ARHGAP21: variants seen among roughly 807,000 people sequenced by gnomAD.
ARHGAP21 encodes rho GTPase-activating protein 21.
A neutral mutation model predicts 164.6 loss-of-function variants in ARHGAP21; 38 were observed. The observed-to-expected ratio is 0.23, with a 90% CI of 0.18 to 0.30. The LOEUF (loss-of-function observed/expected upper bound fraction) is 0.30, where lower values mean the gene tolerates loss of function less well. Ranked by LOEUF, ARHGAP21 falls within the 10% of genes least tolerant of loss-of-function variation. ARHGAP21 has a pLI of 1.00. For synonymous variants in ARHGAP21, 766 were observed against 857.9 expected (o/e 0.89, Z 1.87); for missense variants, 1,822 against 2,370.7 (o/e 0.77, Z 4.81).
At chr10:24,718,139 A>G (rs1201647056) in intron 2 of ARHGAP21, among the ~76,000 whole-genome samples, 1 of 152,206 alleles carries the variant, frequency 6.6e-6, no homozygotes, top group African/African-American at 2.4e-5. Context: ...GGACTCCACA[A>G]GACTTTGCAT....
rs950207384 is a variant in ARHGAP21, at chr10:24,613,734, G to A, written c.2422+5739C>T. On this transcript the variant is annotated intron_variant, in intron 9 of 25. Coordinates refer to ENST00000396432, the MANE Select transcript of ARHGAP21 (RefSeq NM_020824.4). Reference sequence around the variant, plus strand: ...TGTGAAGTAGGTATTTGAAAGGGAGGTGACAAAATCAGAGCAAAAGCAGGG... The same window carrying A: ...TGTGAAGTAGGTATTTGAAAGGGAGATGACAAAATCAGAGCAAAAGCAGGG... Among the ~76,000 whole-genome samples the A allele has an allele frequency of 2.6e-5, 4 of 152,204 alleles. No homozygotes were observed. The East Asian group carries it at 7.7e-4, about 29-fold the overall frequency.
chr10:24,663,201 A>G (rs1043033995), intron 4 of ARHGAP21, among the ~76,000 whole-genome samples: 5 of 152,120 alleles, frequency 3.3e-5, no homozygotes, highest in African/African-American at 9.7e-5. Context: ...TATTGACTCT[A>G]TATTTTCTTA....
At chr10:24,618,230 A>AT (rs1834184028) in intron 9 of ARHGAP21, among the ~76,000 whole-genome samples, 1 of 152,198 alleles carries the variant, frequency 6.6e-6, no homozygotes, top group Non-Finnish European at 1.5e-5. Context: ...GCATTTCAAA[A>AT]TTGTCTTTCA....
At chr10:24,661,505 CCAAAA>C (rs1454889656) in intron 4 of ARHGAP21, among the ~76,000 whole-genome samples, 1 of 152,054 alleles carries the variant, frequency 6.6e-6, no homozygotes, top group Non-Finnish European at 1.5e-5. Flanking sequence ...GGAAAGAAGA[CCAAAA>C]CAAAATCATT....
At chr10:24,616,727 A>G (rs1169428110) in intron 9 of ARHGAP21, among the ~76,000 whole-genome samples, 3 of 152,210 alleles carry the variant, frequency 2.0e-5, no homozygotes, top group South Asian at 2.1e-4. Context: ...AGAGAAGTGT[A>G]GGAAGTCAGG....
intron 2 of ARHGAP21, among the ~76,000 whole-genome samples, chr10:24,673,567 G>A (rs972052735): frequency 2.0e-5 from 3 of 152,156 alleles, no homozygotes; most frequent in Non-Finnish European, 4.4e-5. Flanking sequence ...TAACTCAAAT[G>A]ATCATACACC....
chr10:24,636,593 A>G (rs1399491826), intron 4 of ARHGAP21, among the ~76,000 whole-genome samples: 1 of 152,234 alleles, frequency 6.6e-6, no homozygotes, highest in Non-Finnish European at 1.5e-5. Flanking sequence ...AATTATTGCC[A>G]TATAAAACTG....
chr10:24,672,925 G>T (rs560229075), intron 2 of ARHGAP21, among the ~76,000 whole-genome samples: 32 of 151,802 alleles, frequency 2.1e-4, no homozygotes, highest in African/African-American at 7.0e-4. Context: ...ATAAGCAACT[G>T]GAAATTTAAA....
chr10:24,591,944 G>C lies in ARHGAP21; in HGVS notation c.3945C>G (p.Thr1315=), dbSNP rs377468496. The change falls in exon 22 of 26, where the codon ACC becomes ACG. Residue 1315 remains threonine (T), a synonymous_variant. Transcript: ENST00000396432. ...TLVRTSEDNM[T]HMVTHMPDQY... ...GGTCAGGCATGTGGGTGACCATGTG[G>C]GTCATGTTGTCTTCTGATGTTCGAA... The C allele has an allele frequency of 6.2e-6, 10 of 1,613,658 alleles. No individual in the cohort carries two copies. Among genetic ancestry groups the C allele is most frequent in the Middle Eastern group, 3.4e-4 (2 of 5,962 alleles).
chr10:24,602,781 A>T (rs1275449953), intron 12 of ARHGAP21, among the ~76,000 whole-genome samples: 1 of 152,164 alleles, frequency 6.6e-6, no homozygotes, highest in Non-Finnish European at 1.5e-5. Context: ...AGCTGTGACT[A>T]TAGGAATCCA....
intron 2 of ARHGAP21, among the ~76,000 whole-genome samples, chr10:24,718,887 T>C (rs1228626457): frequency 6.6e-6 from 1 of 151,874 alleles, no homozygotes; most frequent in Non-Finnish European, 1.5e-5. Flanking sequence ...ATGAAATAAA[T>C]GTTAGAAATG....
rs780600444 is a variant in ARHGAP21, at chr10:24,602,121, A to G, written c.2722-18T>C. The stretch of plus-strand genomic sequence containing the variant: ...TCTGCGATCTATAGAAAAGACCAAG[A>G]AAACAGTAAAATGTCAGCATTTTCC... On this transcript the variant is annotated intron_variant, in intron 12 of 25. Transcript: ENST00000396432. 14 of 1,600,126 alleles carry G rather than the reference A, an allele frequency of 8.7e-6. No homozygotes were observed. The highest frequency in any genetic ancestry group is 1.7e-4 in the Middle Eastern group (1 of 5,990).
At chr10:24,700,821 C>T (rs553767858) in intron 2 of ARHGAP21, among the ~76,000 whole-genome samples, 77 of 152,266 alleles carry the variant, frequency 5.1e-4, no homozygotes, top group African/African-American at 1.8e-3. Flanking sequence ...CCATTGAAGG[C>T]AGAGCTTTAA....
In ARHGAP21 at chr10:24,646,727, T is replaced by C. The variant is rs765129386; in HGVS notation, c.269-11624A>G. Among the ~76,000 whole-genome samples, 19 of 152,148 alleles carry C rather than the reference T, an allele frequency of 1.2e-4. 1 individual carries two copies. The highest frequency in any genetic ancestry group is 5.9e-5 in the Non-Finnish European group (4 of 68,034). ...GAGTTCAAGATCAGCCTGAGCAACA[T>C]AGTGAGAACTTGTCTCTAAAAAAAT... On this transcript the variant is annotated intron_variant, in intron 4 of 25. Transcript: ENST00000396432.
At chr10:24,718,164 G>A (rs1169704216) in intron 2 of ARHGAP21, among the ~76,000 whole-genome samples, 1 of 151,748 alleles carries the variant, frequency 6.6e-6, no homozygotes, top group Non-Finnish European at 1.5e-5. Flanking sequence ...GGAATGACGA[G>A]ACGGAAGAGT....
intron 4 of ARHGAP21, among the ~76,000 whole-genome samples, chr10:24,666,054 G>C (rs936449513): frequency 6.6e-6 from 1 of 152,142 alleles, no homozygotes. Flanking sequence ...TTTTGAGACG[G>C]AGTCTCGCCC....
chr10:24,640,672 T>C (rs1003764410), intron 4 of ARHGAP21, among the ~76,000 whole-genome samples: 1 of 152,098 alleles, frequency 6.6e-6, no homozygotes, highest in African/African-American at 2.4e-5. Context: ...TTAATATCTA[T>C]TTTTCAGATA....
chr10:24,591,686 A>G lies in ARHGAP21; in HGVS notation c.4003-3T>C. ...TCTTCTGTGAAAAACCAGTCATGCT[A>G]AAATTTAAAAAAGGTGAGAAGAGAA... On this transcript the variant is annotated splice_region_variant and splice_polypyrimidine_tract_variant and intron_variant, in intron 22 of 25. Coordinates refer to ENST00000396432, the MANE Select transcript of ARHGAP21 (RefSeq NM_020824.4). 2 of 1,614,014 alleles carry G rather than the reference A, an allele frequency of 1.2e-6. No individual in the cohort carries two copies. Among genetic ancestry groups the G allele is most frequent in the South Asian group, 2.2e-5 (2 of 91,084 alleles).
rs764734675 is a variant in ARHGAP21 at position 24,596,695 on chromosome 10, CTG to C, written c.3477+43_3477+44del. 6.8e-6 allele frequency: 11 copies of C among 1,611,918 alleles called. No individual in the cohort carries two copies. In the South Asian group the frequency reaches 8.8e-5, roughly 13 times the overall value. On this transcript the variant is annotated intron_variant, in intron 17 of 25. Coordinates refer to ENST00000396432, the MANE Select transcript of ARHGAP21 (RefSeq NM_020824.4). ...TACTCAGATCCCATTATAATCAAAA[CTG>C]AATTAATGACTTGAGGAAATCCGGT...
Sources: allele counts gnomAD v4.1 joint callset (sites outside exome capture counted in the v4.1 genomes callset), GRCh38; gene constraint gnomAD v4.1.1; transcripts MANE v1.5; gene names NCBI Gene and HGNC (gene_info 2026-07-23, HGNC 2026-07-21).